The following NCAM1 variants were observed in gnomAD, a reference collection of about 807,000 sequenced individuals.
NCAM1 encodes the protein antigen recognized by monoclonal antibody 5.1H11.
Under a neutral mutation model 109.8 loss-of-function variants are expected in NCAM1, and 14 were observed. The observed-to-expected ratio is 0.13, with a 90% CI of 0.08 to 0.20. The LOEUF (loss-of-function observed/expected upper bound fraction) is 0.20, where lower values mean the gene tolerates loss of function less well. Ranked by LOEUF, NCAM1 falls within the 10% of genes least tolerant of loss-of-function variation. The pLI is 1.00. For synonymous variants in NCAM1, 418 were observed against 442.9 expected, an observed-to-expected ratio of 0.94 and a Z score of 0.70; for missense variants, 774 against 1,109.9, an observed-to-expected ratio of 0.70 and a Z score of 4.30.
intron 1 of NCAM1, among the ~76,000 whole-genome samples, chr11:113,122,984 C>G (rs545617294): frequency 6.6e-6 from 1 of 152,038 alleles, no homozygotes; most frequent in Non-Finnish European, 1.5e-5. Flanking sequence ...TGTTCTCACT[C>G]ATATGTGGGA....
intron 1 of NCAM1, among the ~76,000 whole-genome samples, chr11:113,146,183 AT>A (rs1555101298): frequency 6.6e-6 from 1 of 152,222 alleles, no homozygotes; most frequent in African/African-American, 2.4e-5. Context: ...AACACTTGAC[AT>A]TTGCTTTCAG....
At chr11:113,179,651 G>A (rs531444489) in intron 1 of NCAM1, among the ~76,000 whole-genome samples, 1 of 152,266 alleles carries the variant, frequency 6.6e-6, no homozygotes, top group African/African-American at 2.4e-5. Flanking sequence ...ATCAACGCTT[G>A]GGTCATTTCT....
intron 1 of NCAM1, among the ~76,000 whole-genome samples, chr11:113,198,620 C>T (rs566595331): frequency 6.1e-4 from 93 of 152,232 alleles, no homozygotes; most frequent in African/African-American, 1.6e-3. Context: ...GGATTACAGG[C>T]GTGAGCCACT....
intron 1 of NCAM1, among the ~76,000 whole-genome samples, chr11:113,048,965 G>T (rs536573153): frequency 1.3e-5 from 2 of 152,092 alleles, no homozygotes; most frequent in Non-Finnish European, 2.9e-5. Flanking sequence ...TTGTTCTACG[G>T]GCTAAGGGTG....
chr11:113,165,012 A>G (rs959257931), intron 1 of NCAM1, among the ~76,000 whole-genome samples: 47 of 152,166 alleles, frequency 3.1e-4, no homozygotes, highest in African/African-American at 1.1e-3. Flanking sequence ...TATGTTGGCA[A>G]CAGGGGTCAA....
intron 1 of NCAM1, among the ~76,000 whole-genome samples, chr11:113,033,239 A>G (rs1175756802): frequency 6.6e-6 from 1 of 152,206 alleles, no homozygotes; most frequent in Non-Finnish European, 1.5e-5. Context: ...AGACTTGCTT[A>G]GGGAGGCAGA....
At chr11:113,020,899 G>A (rs745859825) in intron 1 of NCAM1, among the ~76,000 whole-genome samples, 29 of 152,106 alleles carry the variant, frequency 1.9e-4, no homozygotes, top group Admixed American at 6.5e-5. Context: ...TGGGATTGCA[G>A]GCATGTGCCA....
chr11:113,001,035 A>T (rs1371472271), intron 1 of NCAM1, among the ~76,000 whole-genome samples: 3 of 152,124 alleles, frequency 2.0e-5, no homozygotes, highest in Non-Finnish European at 4.4e-5. Context: ...ATCCCAAAAT[A>T]GAAATTCTCT....
At chr11:113,225,227 G>T (rs1443687451) in intron 9 of NCAM1, among the ~76,000 whole-genome samples, 1 of 152,150 alleles carries the variant, frequency 6.6e-6, no homozygotes, top group African/African-American at 2.4e-5. Flanking sequence ...CTAATACACA[G>T]AAGTCCTTAA....
At chr11:113,189,553 C>T (rs1943614112) in intron 1 of NCAM1, among the ~76,000 whole-genome samples, 1 of 151,676 alleles carries the variant, frequency 6.6e-6, no homozygotes, top group African/African-American at 2.4e-5. Flanking sequence ...GTGTTTGTTT[C>T]TCATGGGTGA....
intron 1 of NCAM1, among the ~76,000 whole-genome samples, chr11:113,077,573 C>T (rs1938585289): frequency 6.6e-6 from 1 of 152,146 alleles, no homozygotes; most frequent in African/African-American, 2.4e-5. Flanking sequence ...GGATGCCAGC[C>T]CAGCCCATAT....
chr11:113,204,352 A>G lies in NCAM1; in HGVS notation c.194A>G (p.Asn65Ser), dbSNP rs1944169282. 1 of 1,613,586 alleles carries G rather than the reference A, an allele frequency of 6.2e-7. No homozygotes were observed. ...FSPNGEKLTP[N>S]QQRISVVWND... is the part of the protein sequence containing the mutation. ...CCCAATGGAGAAAAGCTCACCCCAA[A>G]CCAGCAGCGGATCTCAGTGGTGTGG... The change falls in exon 3 of 20, where the codon AAC (asparagine) becomes AGC (serine). Residue 65 changes from asparagine to serine, a missense_variant. Around this residue, in one of 4 missense-constraint regions of NCAM1, gnomAD observed 112 missense variants for 142.0 expected, o/e 0.79. Coordinates refer to ENST00000316851, the MANE Select transcript of NCAM1 (RefSeq NM_181351.5).
chr11:113,178,021 G>A (rs530529447), intron 1 of NCAM1, among the ~76,000 whole-genome samples: 22 of 152,072 alleles, frequency 1.4e-4, no homozygotes, highest in South Asian at 4.1e-4. Flanking sequence ...GGATAGTCAA[G>A]CTCTAAAAAA....
At chr11:113,084,027 C>T (rs1222473906) in intron 1 of NCAM1, among the ~76,000 whole-genome samples, 2 of 152,110 alleles carry the variant, frequency 1.3e-5, no homozygotes, top group Non-Finnish European at 2.9e-5. Context: ...ATACATCTTC[C>T]TAGGAAACAC....
intron 17 of NCAM1, chr11:113,262,814 A>G (rs782043815): frequency 1.2e-6 from 2 of 1,611,152 alleles, no homozygotes; most frequent in South Asian, 1.1e-5. Flanking sequence ...CAACCACATT[A>G]TCTCTGGGGA....
At chr11:113,074,605 G>C (rs1029964906) in intron 1 of NCAM1, among the ~76,000 whole-genome samples, 1 of 152,116 alleles carries the variant, frequency 6.6e-6, no homozygotes, top group Non-Finnish European at 1.5e-5. Context: ...TAGTATTATT[G>C]AGGAGCTGAA....
At chr11:113,209,655 A>G (rs1591420580) in intron 7 of NCAM1, among the ~76,000 whole-genome samples, 1 of 152,374 alleles carries the variant, frequency 6.6e-6, no homozygotes, top group Middle Eastern at 3.4e-3. Flanking sequence ...AGTGTCAGTC[A>G]GCAACATTTG....
intron 1 of NCAM1, among the ~76,000 whole-genome samples, chr11:113,037,201 C>A (rs1952914968): frequency 1.3e-5 from 2 of 152,112 alleles, no homozygotes; most frequent in African/African-American, 4.8e-5. Context: ...CTTATTTAGT[C>A]CTCATTATAA....
chr11:113,196,916 A>G (rs1943872682), intron 1 of NCAM1, among the ~76,000 whole-genome samples: 1 of 152,206 alleles, frequency 6.6e-6, no homozygotes. Context: ...AGACTGGGTA[A>G]TTTATAAAGG....
Sources: gnomAD v4.1 joint callset for allele counts (sites outside exome capture counted in the v4.1 genomes callset) on GRCh38, gnomAD v4.1.1 for gene constraint, gnomAD v4.1.1 regional missense constraint, MANE v1.5 for transcripts, NCBI Gene and HGNC (gene_info 2026-07-23, HGNC 2026-07-21) for gene names.